Variants in EFHB observed in about 807,000 individuals in gnomAD.
EFHB encodes the protein EF-hand domain-containing family member B.
EFHB carries 91 observed loss-of-function variants against 87.2 expected under a neutral mutation model. That is an observed-to-expected ratio of 1.04 (90% CI 0.88 to 1.24). EFHB has a LOEUF of 1.24. Ranked by LOEUF, EFHB falls within the 50% of genes most tolerant of loss-of-function variation. EFHB has a pLI of 0.00. For missense variants in EFHB, 1,084 were observed against 998.8 expected, an observed-to-expected ratio of 1.09 and a Z score of -1.15; for synonymous variants, 325 against 333.6, an observed-to-expected ratio of 0.97 and a Z score of 0.28.
At chr3:19,882,472 A>G in intron 12 of EFHB, 78 bp downstream of exon 12, 1 of 1,294,296 alleles carries the variant, frequency 7.7e-7, no homozygotes, top group East Asian at 2.6e-5. Flanking sequence ...AAATATAAAA[A>G]TTCAAGTTTT....
rs1420584514 is a variant in EFHB, at chr3:19,917,282, ATATT to A, written c.1177+946_1177+949del. Among the ~76,000 whole-genome samples the A allele has an allele frequency of 2.6e-5, 4 of 151,222 alleles. No homozygotes were observed. The East Asian group carries it at 7.7e-4, about 29-fold the overall frequency. On this transcript the variant is annotated intron_variant, in intron 4 of 12. Coordinates refer to ENST00000295824, the MANE Select transcript of EFHB (RefSeq NM_144715.4). ...TATATAGAAACATAAAAAGGAAAGG[ATATT>A]TAATCTACTGTAAAATACATTTTTC...
chr3:19,944,289 TAG>T (rs2125173162), intron 1 of EFHB, among the ~76,000 whole-genome samples: 1 of 152,292 alleles, frequency 6.6e-6, no homozygotes, highest in African/African-American at 2.4e-5. Flanking sequence ...CTGTGAATGG[TAG>T]AGAGACACCT....
intron 11 of EFHB, 60 bp from the exon 12 acceptor site, chr3:19,882,791 G>C (rs73188422): frequency 1.4e-6 from 2 of 1,478,712 alleles, no homozygotes; most frequent in East Asian, 4.6e-5. Flanking sequence ...TAACACAGTA[G>C]CCACCAGTCA....
At chr3:19,898,700 G>C (rs1016643026) in intron 8 of EFHB, 78 bp downstream of exon 8, 34 of 1,354,858 alleles carry the variant, frequency 2.5e-5, no homozygotes, top group African/African-American at 5.8e-5. Flanking sequence ...AGGAGATGGT[G>C]AGCTTAACTG....
rs1321182365 is a variant in EFHB at position 19,915,346 on chromosome 3, T to C, written c.1245A>G (p.Glu415=). 6.2e-7 allele frequency: 1 copy of C among 1,613,234 alleles called. No homozygotes were observed. The stretch of plus-strand genomic sequence containing the variant: ...GAGAAACAACATACAAATCATGTCC[T>C]TCATTTCCTTCTTTAAATACTTCTT... ...SYEEVFKEGN[E]GHDLYVVSHN... is the part of the protein sequence containing the mutation. The change falls in exon 5 of 13, where the codon GAA becomes GAG. Residue 415 remains glutamate (E), a synonymous_variant. Transcript: ENST00000295824.
At position 19,884,550 on chromosome 3, in the gene EFHB, T is replaced by G; in HGVS notation, c.1999A>C (p.Ile667Leu). 1 of 1,614,024 alleles carries G rather than the reference T, an allele frequency of 6.2e-7. No individual in the cohort carries two copies. Among genetic ancestry groups the G allele is most frequent in the South Asian group, 1.1e-5 (1 of 91,086 alleles). ...TTTAAGACAATATCTTCTGGCTTTA[T>G]GAGGAGAGTTTGTTCAGGTTCTTCA... Reference protein sequence around the residue: ...NVEEPEQTLLIKPEDIVLKEA... With the variant: ...NVEEPEQTLLLKPEDIVLKEA... The change falls in exon 11 of 13, where the codon ATA becomes CTA. Residue 667 changes from isoleucine to leucine, a missense_variant. Coordinates refer to ENST00000295824, the MANE Select transcript of EFHB (RefSeq NM_144715.4).
At chr3:19,880,103 G>A (rs1017222911) in intron 12 of EFHB, among the ~76,000 whole-genome samples, 1 of 151,862 alleles carries the variant, frequency 6.6e-6, no homozygotes, top group South Asian at 2.1e-4. Flanking sequence ...TTTAAGGAGA[G>A]GTAGCAAAAT....
chr3:19,940,085 C>G (rs532700747), intron 1 of EFHB, among the ~76,000 whole-genome samples: 1 of 152,254 alleles, frequency 6.6e-6, no homozygotes, highest in East Asian at 1.9e-4. Context: ...TAAAGGCTTA[C>G]TTTCTATGTA....
chr3:19,914,055 C>T (rs532706698), intron 5 of EFHB, among the ~76,000 whole-genome samples: 2 of 152,270 alleles, frequency 1.3e-5, no homozygotes, highest in East Asian at 3.9e-4. Flanking sequence ...ACAATCCTCC[C>T]ATCTCAGCCT....
upstream of EFHB, among the ~76,000 whole-genome samples, chr3:19,938,674 T>A (rs965175827): frequency 6.6e-6 from 1 of 152,188 alleles, no homozygotes; most frequent in African/African-American, 2.4e-5. Context: ...TTAACTGGAA[T>A]CTTGCAATCA....
chr3:19,915,519 G>T, intron 4 of EFHB, 106 bp from the exon 5 acceptor site: 1 of 683,542 alleles, frequency 1.5e-6, no homozygotes, highest in Non-Finnish European at 2.5e-6. Flanking sequence ...TGGATGCAAG[G>T]CTACATAGAC....
chr3:19,936,336 T>TGAA, upstream of EFHB: 1 of 358,688 alleles, frequency 2.8e-6, no homozygotes, highest in East Asian at 3.5e-5. Flanking sequence ...GGCGACAGAC[T>TGAA]GAAAAAAAAA....
In EFHB at chr3:19,924,327, C is replaced by T. The variant is rs190049147; in HGVS notation, c.790-3760G>A. Among the ~76,000 whole-genome samples the T allele has an allele frequency of 8.3e-4, 126 of 151,848 alleles. 1 individual carries two copies. The highest frequency in any genetic ancestry group is 7.8e-4 in the Non-Finnish European group (53 of 67,952). On this transcript the variant is annotated intron_variant, in intron 1 of 12. Coordinates refer to ENST00000295824, the MANE Select transcript of EFHB (RefSeq NM_144715.4). ...CTCCCAGGTTCAAGTGATTCTCCTG[C>T]CTCAGCCTCCCGAGTAGCTGGGAAT...
At chr3:19,891,007 A>G (rs2929384) in intron 9 of EFHB, among the ~76,000 whole-genome samples, 24,832 of 152,192 alleles carry the variant, frequency 0.16, 2,224 homozygotes, top group South Asian at 0.31. Flanking sequence ...GAATGCAGCC[A>G]GCCCAACCCC....
intron 5 of EFHB, among the ~76,000 whole-genome samples, chr3:19,912,965 T>A (rs1447631538): frequency 1.3e-5 from 2 of 152,222 alleles, no homozygotes; most frequent in African/African-American, 2.4e-5. Flanking sequence ...AAAAAGCATC[T>A]GATAAAATTC....
intron 6 of EFHB, among the ~76,000 whole-genome samples, chr3:19,905,135 A>G (rs1694797342): frequency 6.6e-6 from 1 of 152,218 alleles, no homozygotes; most frequent in Non-Finnish European, 1.5e-5. Flanking sequence ...TCATGCCTTT[A>G]TTCCCAGCTA....
chr3:19,892,084 C>T (rs978508945), intron 9 of EFHB, among the ~76,000 whole-genome samples: 2 of 152,096 alleles, frequency 1.3e-5, no homozygotes, highest in African/African-American at 4.8e-5. Flanking sequence ...ATTGCCATTC[C>T]AGTCCAATCA....
Position 19,933,998 on chromosome 3 carries a change from A to T in EFHB, c.21T>A (p.His7Gln). MNMEIG[H>Q]PHEGKDDLGD... is the part of the protein sequence containing the mutation. The stretch of plus-strand genomic sequence containing the variant: ...CTAAATCATCCTTTCCTTCGTGGGG[A>T]TGTCCAATCTCCATGTTCATGGACG... Residue 7 changes from histidine to glutamine, a missense_variant, in exon 1 of 13, where the codon CAT becomes CAA. Physicochemically the swap from His to Gln is conservative, Grantham distance 24. Coordinates refer to ENST00000295824, the MANE Select transcript of EFHB (RefSeq NM_144715.4). The T allele has an allele frequency of 1.2e-6, 2 of 1,606,548 alleles. No individual in the cohort carries two copies. The highest frequency in any genetic ancestry group is 1.7e-6 in the Non-Finnish European group (2 of 1,176,052).
At chr3:19,882,135 A>C (rs1421610424) in intron 12 of EFHB, among the ~76,000 whole-genome samples, 3 of 152,152 alleles carry the variant, frequency 2.0e-5, no homozygotes, top group African/African-American at 7.2e-5. Context: ...AATGCTTGTC[A>C]CAGATAATCT....
Sources: gnomAD v4.1 joint callset for allele counts (sites outside exome capture counted in the v4.1 genomes callset) on GRCh38, gnomAD v4.1.1 for gene constraint, MANE v1.5 for transcripts, NCBI Gene and HGNC (gene_info 2026-07-23, HGNC 2026-07-21) for gene names.